GPHN: variants seen among roughly 807,000 people sequenced by gnomAD.
The protein encoded by GPHN is gephyrin.
Under a neutral mutation model 95.5 loss-of-function variants are expected in GPHN, and 17 were observed. The ratio of observed to expected loss-of-function variants is 0.18; its 90% CI spans 0.12 to 0.27. GPHN has a LOEUF of 0.27. GPHN is among the 10% of genes least tolerant of loss of function. The probability of loss-of-function intolerance (pLI) is 1.00; values close to 1 mark genes in which losing one functional copy is unlikely to be tolerated. For synonymous variants in GPHN, 320 were observed against 322.5 expected (o/e 0.99, Z 0.08); for missense variants, 660 against 978.1 (o/e 0.67, Z 4.34).
At chr14:67,066,610 G>A (rs952065992) in intron 11 of GPHN, among the ~76,000 whole-genome samples, 1 of 152,044 alleles carries the variant, frequency 6.6e-6, no homozygotes, top group African/African-American at 2.4e-5. Context: ...CATATTTCTT[G>A]GAGGCTTTGT....
intron 9 of GPHN, among the ~76,000 whole-genome samples, chr14:67,006,317 A>G (rs183528206): frequency 6.6e-6 from 1 of 152,228 alleles, no homozygotes; most frequent in African/African-American, 2.4e-5. Context: ...AGGATACCAA[A>G]AAAAGGGTCT....
chr14:66,768,751 G>C lies in GPHN; in HGVS notation c.144-7713G>C, dbSNP rs139466422. ...CAGAAGAGGAAGACATTATAGTCCA[G>C]AGTTATACAGTAAAACCATAGAAAT... On this transcript the variant is annotated intron_variant, in intron 2 of 22. Coordinates refer to ENST00000478722, the MANE Select transcript of GPHN (RefSeq NM_020806.5). Among the ~76,000 whole-genome samples the C allele has an allele frequency of 5.2e-3, 796 of 151,990 alleles. 8 individuals are homozygous for C. Among genetic ancestry groups the C allele is most frequent in the African/African-American group, 0.018 (755 of 41,504 alleles).
the GPHN span, among the ~76,000 whole-genome samples, chr14:67,660,417 A>T: frequency 3.4e-3 from 518 of 152,274 alleles, 3 homozygotes; most frequent in African/African-American, 0.012. Flanking sequence ...TATATATATA[A>T]AAAATTAAAC....
In GPHN at chr14:66,583,071, GC is replaced by G. The variant is rs750822069; in HGVS notation, c.64+74482del. Among the ~76,000 whole-genome samples, 190 of 151,646 alleles carry G rather than the reference GC, an allele frequency of 1.3e-3. 3 individuals are homozygous for G. Among genetic ancestry groups the G allele is most frequent in the Admixed American group, 5.2e-3 (79 of 15,236 alleles). On this transcript the variant is annotated intron_variant, in intron 1 of 22. Coordinates refer to ENST00000478722, the MANE Select transcript of GPHN (RefSeq NM_020806.5). ...GTTGTTTCCTGACTTTTTAATGATTGCCATTCTAACTGGTGTGAGATGGTAT... is the reference window on the plus strand; with the variant it reads ...GTTGTTTCCTGACTTTTTAATGATTGCATTCTAACTGGTGTGAGATGGTAT...
chr14:66,970,137 T>C lies in GPHN; in HGVS notation c.963+4812T>C, dbSNP rs183346041. Among the ~76,000 whole-genome samples, 11 of 150,774 alleles carry C rather than the reference T, an allele frequency of 7.3e-5. No individual in the cohort carries two copies. In the East Asian group the frequency reaches 2.2e-3, roughly 30 times the overall value. On this transcript the variant is annotated intron_variant, in intron 9 of 22. Transcript: ENST00000478722. ...GAAGAAAATATAAATACTATCAATATCTAATTGAAGTTATCAATATCTAAA... is the reference window on the plus strand; with the variant it reads ...GAAGAAAATATAAATACTATCAATACCTAATTGAAGTTATCAATATCTAAA...
chr14:67,418,296 T>C, the GPHN span, among the ~76,000 whole-genome samples: 3 of 152,220 alleles, frequency 2.0e-5, no homozygotes, highest in Admixed American at 6.5e-5. Flanking sequence ...CAAGCCTTGC[T>C]CTTTCCACTA....
the GPHN span, among the ~76,000 whole-genome samples, chr14:67,286,830 G>C: frequency 0.15 from 21,748 of 145,358 alleles, 3,141 homozygotes; most frequent in East Asian, 0.42. Context: ...GCACTCCAGC[G>C]TGGTGACAGA....
chr14:66,831,683 T>C (rs1409650439), intron 4 of GPHN, among the ~76,000 whole-genome samples: 1 of 152,230 alleles, frequency 6.6e-6, no homozygotes, highest in Non-Finnish European at 1.5e-5. Context: ...TCTCATCTGC[T>C]AAATTAGCTA....
intron 16 of GPHN, among the ~76,000 whole-genome samples, chr14:67,120,067 A>G (rs917225953): frequency 2.0e-5 from 3 of 151,466 alleles, no homozygotes; most frequent in African/African-American, 7.3e-5. Context: ...TGGAGGTTGC[A>G]GTGAGCTGAG....
intron 2 of GPHN, among the ~76,000 whole-genome samples, chr14:66,756,146 G>A (rs1383081787): frequency 1.3e-5 from 2 of 152,072 alleles, no homozygotes; most frequent in Non-Finnish European, 2.9e-5. Flanking sequence ...GAATTTGAAT[G>A]TTTTGCCCTA....
the GPHN span, chr14:67,615,856 G>A: frequency 1.6e-4 from 101 of 618,008 alleles, no homozygotes; most frequent in African/African-American, 1.6e-3. Flanking sequence ...TTGGTGATTC[G>A]GCGAAGAAAC....
chr14:66,884,905 AT>A (rs1214255874), intron 5 of GPHN, among the ~76,000 whole-genome samples: 1 of 151,390 alleles, frequency 6.6e-6, no homozygotes, highest in African/African-American at 2.4e-5. Context: ...GTATGAAGAG[AT>A]TTACCATTGT....
intron 9 of GPHN, among the ~76,000 whole-genome samples, chr14:66,978,103 A>T (rs947490610): frequency 6.6e-6 from 1 of 152,212 alleles, no homozygotes; most frequent in Non-Finnish European, 1.5e-5. Context: ...TACCTTAATT[A>T]AAAAATACGT....
At chr14:66,777,522 AAAG>A (rs911169063) in intron 3 of GPHN, among the ~76,000 whole-genome samples, 5 of 152,170 alleles carry the variant, frequency 3.3e-5, no homozygotes, top group African/African-American at 4.8e-5. Flanking sequence ...CACAACCAAA[AAAG>A]AGAATTTTAG....
At chr14:67,388,597 A>G in the GPHN span, among the ~76,000 whole-genome samples, 2 of 152,204 alleles carry the variant, frequency 1.3e-5, no homozygotes, top group East Asian at 1.9e-4. Context: ...CTCTGATCCA[A>G]TATGCTACCC....
At chr14:67,225,095 T>C in the GPHN span, 10 of 1,546,372 alleles carry the variant, frequency 6.5e-6, no homozygotes, top group Non-Finnish European at 8.7e-6. Context: ...ACTTTCCTTA[T>C]TCTTTTTCTT....
chr14:66,540,461 C>A (rs1247628564), intron 1 of GPHN, among the ~76,000 whole-genome samples: 1 of 152,114 alleles, frequency 6.6e-6, no homozygotes, highest in African/African-American at 2.4e-5. Flanking sequence ...GAATCCACCA[C>A]ACATGCTAAT....
chr14:67,316,401 GA>G, the GPHN span, among the ~76,000 whole-genome samples: 1 of 150,820 alleles, frequency 6.6e-6, no homozygotes, highest in Non-Finnish European at 1.5e-5. Flanking sequence ...TGGTTTCTTG[GA>G]ATTGAATATG....
chr14:67,144,266 T>TACATAC lies in GPHN; in HGVS notation c.1836+818_1836+819insCATACA, dbSNP rs1567400854. 1.8e-3 allele frequency among the ~76,000 whole-genome samples: 181 copies of TACATAC among 102,346 alleles called. 18 individuals carry two copies. Among genetic ancestry groups the TACATAC allele is most frequent in the South Asian group, 0.014 (46 of 3,262 alleles). 67.1% of individuals were successfully genotyped at this position (102,346 alleles called of 152,430 possible). Reference sequence around the variant, plus strand: ...AAAAAAAAAAATATATATATATATATATATATATATATATATATATACACA... The same window carrying TACATAC: ...AAAAAAAAAAATATATATATATATATACATACATATATATATATATATATATACACA... On this transcript the variant is annotated intron_variant, in intron 18 of 22. Transcript: ENST00000478722.
Sources: gnomAD v4.1 joint callset for allele counts (sites outside exome capture counted in the v4.1 genomes callset) on GRCh38, gnomAD v4.1.1 for gene constraint, MANE v1.5 for transcripts, NCBI Gene and HGNC (gene_info 2026-07-23, HGNC 2026-07-21) for gene names.